Variants in GPHN observed in about 807,000 individuals in gnomAD.
GPHN encodes gephyrin.
In GPHN, 17 loss-of-function variants were observed where a neutral mutation model predicts 95.5. That is an observed-to-expected ratio of 0.18 (90% CI 0.12 to 0.27). The LOEUF (loss-of-function observed/expected upper bound fraction) is 0.27. GPHN is among the 10% of genes least tolerant of loss of function. The pLI is 1.00. For synonymous variants in GPHN, 320 were observed against 322.5 expected (o/e 0.99, Z 0.08); for missense variants, 660 against 978.1 (o/e 0.67, Z 4.34).
At chr14:67,200,079 A>T in the GPHN span, 7 of 975,034 alleles carry the variant, frequency 7.2e-6, no homozygotes, top group South Asian at 1.1e-4. Context: ...CACCACCTGG[A>T]ATGCCTTATC....
At chr14:67,681,982 G>A in the GPHN span, among the ~76,000 whole-genome samples, 119 of 152,190 alleles carry the variant, frequency 7.8e-4, no homozygotes, top group African/African-American at 2.6e-3. Flanking sequence ...CACTATCATG[G>A]GAGTGGGTTT....
chr14:66,713,745 GTT>G (rs57122060), intron 2 of GPHN, among the ~76,000 whole-genome samples: 28 of 147,872 alleles, frequency 1.9e-4, no homozygotes, highest in African/African-American at 6.4e-4. Context: ...TTTCTTTGTT[GTT>G]TTTTTTTTAT....
chr14:67,434,333 T>C, the GPHN span, among the ~76,000 whole-genome samples: 2 of 152,350 alleles, frequency 1.3e-5, no homozygotes, highest in African/African-American at 4.8e-5. Flanking sequence ...TATCCTTTGA[T>C]TCCATAATCC....
At chr14:66,855,119 T>C (rs1469214066) in intron 4 of GPHN, among the ~76,000 whole-genome samples, 2 of 152,200 alleles carry the variant, frequency 1.3e-5, no homozygotes, top group African/African-American at 4.8e-5. Context: ...AGTGTTGGGA[T>C]TATAGGCATG....
At chr14:66,815,355 A>G (rs1156423933) in intron 3 of GPHN, among the ~76,000 whole-genome samples, 11 of 152,160 alleles carry the variant, frequency 7.2e-5, no homozygotes, top group Non-Finnish European at 1.5e-4. Flanking sequence ...CATCCCCAAA[A>G]CGTAATCATC....
At chr14:66,770,920 A>G (rs2059144106) in intron 2 of GPHN, among the ~76,000 whole-genome samples, 1 of 152,194 alleles carries the variant, frequency 6.6e-6, no homozygotes. Flanking sequence ...AGAGTTTAGT[A>G]CATTTTCAGT....
At chr14:66,515,021 C>G (rs751124264) in intron 1 of GPHN, among the ~76,000 whole-genome samples, 8 of 152,062 alleles carry the variant, frequency 5.3e-5, no homozygotes, top group Non-Finnish European at 1.2e-4. Context: ...ATGGCAATAT[C>G]TACTTTACAA....
intron 16 of GPHN, among the ~76,000 whole-genome samples, chr14:67,121,233 T>C (rs1439297415): frequency 1.3e-5 from 2 of 152,104 alleles, no homozygotes; most frequent in African/African-American, 4.8e-5. Flanking sequence ...TAAGAATGTA[T>C]CTGTGTATGT....
intron 1 of GPHN, among the ~76,000 whole-genome samples, chr14:66,559,994 G>A (rs1019533011): frequency 1.3e-5 from 2 of 152,104 alleles, no homozygotes; most frequent in Admixed American, 1.3e-4. Context: ...TATTAAATAG[G>A]GAATCCTTTC....
At chr14:66,838,846 A>C (rs1009529095) in intron 4 of GPHN, among the ~76,000 whole-genome samples, 3 of 152,128 alleles carry the variant, frequency 2.0e-5, no homozygotes, top group Non-Finnish European at 4.4e-5. Flanking sequence ...TATATCTGTC[A>C]AGTACTATGA....
rs765202222 is a variant in GPHN at position 66,566,955 on chromosome 14, C to T, written c.64+58364C>T. Among the ~76,000 whole-genome samples, 19 of 152,088 alleles carry T rather than the reference C, an allele frequency of 1.2e-4. 1 individual carries two copies. The highest frequency in any genetic ancestry group is 2.2e-4 in the Non-Finnish European group (15 of 68,018). On this transcript the variant is annotated intron_variant, in intron 1 of 22. Coordinates refer to ENST00000478722, the MANE Select transcript of GPHN (RefSeq NM_020806.5). ...AAAATGTAATACAGTAACCAAAAGA[C>T]GTGGCAGGTTAGGTTGTCTTTAAAA...
rs2064724752 is a variant in GPHN, at chr14:66,894,604, T to C, written c.389+14571T>C. Among the ~76,000 whole-genome samples the C allele has an allele frequency of 3.9e-5, 6 of 152,086 alleles. No homozygotes were observed. In the South Asian group the frequency reaches 1.2e-3, roughly 32 times the overall value. On this transcript the variant is annotated intron_variant, in intron 5 of 22. Coordinates refer to ENST00000478722, the MANE Select transcript of GPHN (RefSeq NM_020806.5). The stretch of plus-strand genomic sequence containing the variant: ...ACAGAATGGGAGAAAATTTTTGCAA[T>C]CTACTCATCTGACAAAGGGCTAATA...
the GPHN span, among the ~76,000 whole-genome samples, chr14:67,540,562 G>T: frequency 2.6e-5 from 4 of 151,242 alleles, no homozygotes; most frequent in African/African-American, 9.7e-5. Context: ...GGAGGCAGAG[G>T]TTGTAGTGAG....
At chr14:66,663,744 C>G (rs1566782649) in intron 1 of GPHN, among the ~76,000 whole-genome samples, 2 of 152,166 alleles carry the variant, frequency 1.3e-5, no homozygotes, top group African/African-American at 4.8e-5. Context: ...AGACCCATCT[C>G]ATGTGGAATG....
chr14:66,508,563 C>T lies in GPHN; in HGVS notation c.36C>T (p.Asp12=). Residue 12 remains aspartate, a synonymous_variant, in exon 1 of 23, where the codon GAC becomes GAT. Coordinates refer to ENST00000478722, the MANE Select transcript of GPHN (RefSeq NM_020806.5). ...AGGGAATGATCCTTACTAACCACGA[C>T]CATCAAATCCGTGTCGGAGTCCTTA... ...ATEGMILTNH[D]HQIRVGVLTV... 1.2e-6 allele frequency: 2 copies of T among 1,614,042 alleles called. No individual in the cohort carries two copies. The highest frequency in any genetic ancestry group is 1.7e-6 in the Non-Finnish European group (2 of 1,179,878).
the GPHN span, among the ~76,000 whole-genome samples, chr14:67,502,058 C>A: frequency 6.6e-6 from 1 of 152,198 alleles, no homozygotes; most frequent in African/African-American, 2.4e-5. Flanking sequence ...ACAGACTGGG[C>A]ACTGTGGCTC....
At chr14:67,529,701 C>T in the GPHN span, among the ~76,000 whole-genome samples, 1 of 152,206 alleles carries the variant, frequency 6.6e-6, no homozygotes, top group African/African-American at 2.4e-5. Context: ...CCCATGGTTA[C>T]CTCACCTCTC....
intron 3 of GPHN, among the ~76,000 whole-genome samples, chr14:66,786,982 A>G (rs1489527413): frequency 2.0e-5 from 3 of 152,176 alleles, no homozygotes; most frequent in Non-Finnish European, 4.4e-5. Context: ...TTCTCTGACT[A>G]CTTTTATTCA....
At chr14:67,347,573 C>T in the GPHN span, 2 of 788,694 alleles carry the variant, frequency 2.5e-6, no homozygotes, top group Admixed American at 5.2e-5. Flanking sequence ...GTGATCTCGC[C>T]TCACCGCAAC....
Sources: allele counts gnomAD v4.1 joint callset (sites outside exome capture counted in the v4.1 genomes callset), GRCh38; gene constraint gnomAD v4.1.1; transcripts MANE v1.5; gene names NCBI Gene and HGNC (gene_info 2026-07-23, HGNC 2026-07-21).